The following SNAP91 variants were observed in gnomAD, a reference collection of about 807,000 sequenced individuals.
SNAP91 encodes clathrin coat assembly protein AP180.
A neutral mutation model predicts 100.3 loss-of-function variants in SNAP91; 27 were observed. That is an observed-to-expected ratio of 0.27 (90% CI 0.20 to 0.37). SNAP91 has a LOEUF of 0.37. Ranked by LOEUF, SNAP91 falls within the 10% of genes least tolerant of loss-of-function variation. The probability of loss-of-function intolerance (pLI) is 1.00; values close to 1 mark genes in which losing one functional copy is unlikely to be tolerated. For missense variants in SNAP91, 986 were observed against 1,123.7 expected (o/e 0.88, Z 1.75); for synonymous variants, 404 against 398.6 (o/e 1.01, Z -0.16).
chr6:83,664,206 C>T (rs1299329613), intron 3 of SNAP91, among the ~76,000 whole-genome samples: 1 of 152,110 alleles, frequency 6.6e-6, no homozygotes, highest in Non-Finnish European at 1.5e-5. Flanking sequence ...TTCATGACTG[C>T]TAACACAACA....
At chr6:83,665,708 CA>C in intron 2 of SNAP91, 127 bp from the exon 3 acceptor site, 1 of 737,970 alleles carries the variant, frequency 1.4e-6, no homozygotes, top group Non-Finnish European at 2.1e-6. Context: ...TAGCTGATAA[CA>C]AAATTTAAAA....
chr6:83,581,901 A>G (rs1165552452), intron 23 of SNAP91, among the ~76,000 whole-genome samples: 1 of 152,256 alleles, frequency 6.6e-6, no homozygotes, highest in African/African-American at 2.4e-5. Context: ...AAGATTTAGT[A>G]CAAAGTATCT....
chr6:83,595,886 T>G (rs143851704), intron 16 of SNAP91, among the ~76,000 whole-genome samples: 1 of 152,368 alleles, frequency 6.6e-6, no homozygotes, highest in East Asian at 1.9e-4. Context: ...TGCAGAGTTC[T>G]AGTTTTATGT....
At chr6:83,675,897 C>CA (rs35607230) in intron 2 of SNAP91, among the ~76,000 whole-genome samples, 68,301 of 149,846 alleles carry the variant, frequency 0.46, 15,811 homozygotes, top group African/African-American at 0.52. Flanking sequence ...CTGCCAATGT[C>CA]AAAAAAGATT....
At chr6:83,664,325 G>A (rs1404521702) in intron 3 of SNAP91, among the ~76,000 whole-genome samples, 3 of 152,146 alleles carry the variant, frequency 2.0e-5, no homozygotes, top group Non-Finnish European at 4.4e-5. Context: ...TTCCTCTGAT[G>A]GATGTGGGCA....
Position 83,603,025 on chromosome 6 carries a change from GT to G in SNAP91, c.1142-1427del, listed in dbSNP as rs552650885. On this transcript the variant is annotated intron_variant, in intron 14 of 29. Transcript: ENST00000369694. ...AGAAAGAAATAAGAAAGTTTACATG[GT>G]TTTCACATATTTATCATTTTAAACA... Among the ~76,000 whole-genome samples the G allele has an allele frequency of 8.4e-4, 128 of 152,188 alleles. 3 individuals carry two copies. The highest frequency in any genetic ancestry group is 1.9e-4 in the East Asian group (1 of 5,178).
chr6:83,555,959 A>C, intron 29 of SNAP91, among the ~76,000 whole-genome samples, 184 bp downstream of exon 29: 1 of 152,174 alleles, frequency 6.6e-6, no homozygotes, highest in East Asian at 1.9e-4. Flanking sequence ...TCCTAGTTAC[A>C]TAAATTAAGA....
intron 7 of SNAP91, among the ~76,000 whole-genome samples, chr6:83,642,822 C>G (rs2097765375): frequency 6.6e-6 from 1 of 152,138 alleles, no homozygotes; most frequent in African/African-American, 2.4e-5. Flanking sequence ...TAAAAGTGTT[C>G]CTATTTCTCC....
intron 16 of SNAP91, among the ~76,000 whole-genome samples, chr6:83,595,877 G>A (rs2094421880): frequency 6.6e-6 from 1 of 152,144 alleles, no homozygotes. Context: ...CTTTAGTAAT[G>A]CAGAGTTCTA....
intron 20 of SNAP91, 75 bp downstream of exon 20, chr6:83,592,871 A>G: frequency 9.1e-7 from 1 of 1,102,278 alleles, no homozygotes; most frequent in East Asian, 2.6e-5. Flanking sequence ...AGAAAAACCC[A>G]CATGTTATAT....
chr6:83,649,904 A>G (rs2098124017), intron 7 of SNAP91, among the ~76,000 whole-genome samples: 1 of 152,124 alleles, frequency 6.6e-6, no homozygotes, highest in African/African-American at 2.4e-5. Context: ...ATACCTTTTT[A>G]GGGGATGAGT....
rs180939077 is a variant in SNAP91, at chr6:83,658,560, C to T, written c.546+439G>A. 7.9e-3 allele frequency among the ~76,000 whole-genome samples: 1,205 copies of T among 152,034 alleles called. 14 individuals are homozygous for T. Among genetic ancestry groups the T allele is most frequent in the African/African-American group, 0.027 (1,119 of 41,454 alleles). ...GGAGGCAGAGCTTGTGAGCGGAGAT[C>T]GCGCCACTGCACTCCAGCCTGGGTG... On this transcript the variant is annotated intron_variant, in intron 6 of 29. Transcript: ENST00000369694.
At position 83,704,456 on chromosome 6, in the gene SNAP91, T is replaced by C. The variant is rs2099354480; in HGVS notation, c.130+3342A>G. On this transcript the variant is annotated intron_variant, in intron 2 of 29. Transcript: ENST00000369694. ...AAAATCTGGGAATAAATGTATATAG[T>C]TTCTTCATCTCGACCTTTTCACCAG... 3.3e-5 allele frequency among the ~76,000 whole-genome samples: 5 copies of C among 152,160 alleles called. No individual in the cohort carries two copies. In the South Asian group the frequency reaches 1.0e-3, roughly 31 times the overall value.
chr6:83,568,682 A>G (rs749871594), intron 26 of SNAP91, among the ~76,000 whole-genome samples: 27 of 152,126 alleles, frequency 1.8e-4, no homozygotes, highest in Non-Finnish European at 3.2e-4. Flanking sequence ...TTATAGCTAC[A>G]CCTCTAAGAA....
At chr6:83,603,836 C>T (rs1241711852) in intron 14 of SNAP91, among the ~76,000 whole-genome samples, 1 of 152,084 alleles carries the variant, frequency 6.6e-6, no homozygotes, top group African/African-American at 2.4e-5. Flanking sequence ...TACTGCTCTG[C>T]TTTGTCTTTT....
In SNAP91 at chr6:83,651,730, T is replaced by C. The variant is rs143405477; in HGVS notation, c.658+5024A>G. ...TGCATTCTGCTCTTTTTAGGTCAAG[T>C]AGTCTATATAGATATATGTCCATTA... is the stretch of plus-strand genomic sequence containing the variant. On this transcript the variant is annotated intron_variant, in intron 7 of 29. Transcript: ENST00000369694. 1.6e-4 allele frequency among the ~76,000 whole-genome samples: 25 copies of C among 152,280 alleles called. No homozygotes were observed. In the East Asian group the frequency reaches 4.2e-3, roughly 26 times the overall value.
At chr6:83,566,668 A>C (rs530477734) in intron 26 of SNAP91, among the ~76,000 whole-genome samples, 1 of 152,346 alleles carries the variant, frequency 6.6e-6, no homozygotes, top group African/African-American at 2.4e-5. Context: ...TTGGGATGCC[A>C]CTTGACTGGT....
chr6:83,622,777 A>T (rs1305817372), intron 9 of SNAP91, among the ~76,000 whole-genome samples: 1 of 151,526 alleles, frequency 6.6e-6, no homozygotes, highest in Non-Finnish European at 1.5e-5. Flanking sequence ...CTCCAGAAAA[A>T]TTGCTCATCT....
chr6:83,576,098 GT>G, intron 24 of SNAP91, 45 bp from the exon 25 acceptor site: 1 of 982,452 alleles, frequency 1.0e-6, no homozygotes, highest in South Asian at 1.6e-5. Context: ...TCTACACTCA[GT>G]TTATATGATA....
Sources: allele counts gnomAD v4.1 joint callset (sites outside exome capture counted in the v4.1 genomes callset), GRCh38; gene constraint gnomAD v4.1.1; transcripts MANE v1.5; gene names NCBI Gene and HGNC (gene_info 2026-07-23, HGNC 2026-07-21).